The following SMIM7 variants were observed in gnomAD, a reference collection of about 807,000 sequenced individuals.
SMIM7 encodes the protein small integral membrane protein 7, also known as UPF0608 protein C19orf42.
Under a neutral mutation model 13.3 loss-of-function variants are expected in SMIM7, and 12 were observed. That is an observed-to-expected ratio of 0.90 (90% CI 0.58 to 1.46). The LOEUF (loss-of-function observed/expected upper bound fraction) is 1.46. Ranked by LOEUF, SMIM7 falls within the 40% of genes most tolerant of loss-of-function variation. SMIM7 has a pLI of 0.00. For synonymous variants in SMIM7, 36 were observed against 35.8 expected, an observed-to-expected ratio of 1.01 and a Z score of -0.02; for missense variants, 114 against 94.8, an observed-to-expected ratio of 1.20 and a Z score of -0.84.
At chr19:16,659,612 C>T (rs998127626) in intron 2 of SMIM7, 165 bp from the exon 3 acceptor site, 24 of 730,522 alleles carry the variant, frequency 3.3e-5, no homozygotes, top group Non-Finnish European at 6.9e-6. Flanking sequence ...CCCCCACTGC[C>T]CGGACAATCA....
rs1374708494 is a variant in SMIM7, at chr19:16,654,037, A to T, written c.210T>A (p.Ile70=). The part of the protein sequence containing the change: ...LWNIFMMFCM[I]VLFGS ...AGGAAAGGGCAGGCTGGACTCACAC[A>T]ATCATGCAGAACATCATGAAGATGT... The change falls in exon 4 of 5, where the codon ATT becomes ATA. Residue 70 remains isoleucine (I), a splice_region_variant and synonymous_variant. Coordinates refer to ENST00000487416, the MANE Select transcript of SMIM7 (RefSeq NM_024104.4). 1 of 1,613,698 alleles carries T rather than the reference A, an allele frequency of 6.2e-7. No homozygotes were observed. The highest frequency in any genetic ancestry group is 2.2e-5 in the East Asian group (1 of 44,862).
intron 2 of SMIM7, chr19:16,659,754 C>A (rs2086648202): frequency 2.9e-6 from 2 of 699,956 alleles, no homozygotes; most frequent in Non-Finnish European, 4.8e-6. Flanking sequence ...AGAGGGACAA[C>A]CAAGGAACGG....
intron 4 of SMIM7, among the ~76,000 whole-genome samples, chr19:16,650,950 G>A (rs1018867135): frequency 3.3e-5 from 5 of 152,128 alleles, no homozygotes; most frequent in African/African-American, 7.2e-5. Context: ...AGTACCCTCC[G>A]GCCTTCTTCA....
In SMIM7 at chr19:16,658,635, T is replaced by C. The variant is rs148860024; in HGVS notation, c.121+760A>G. Among the ~76,000 whole-genome samples, 482 of 152,268 alleles carry C rather than the reference T, an allele frequency of 3.2e-3. 6 individuals carry two copies. Among genetic ancestry groups the C allele is most frequent in the African/African-American group, 0.011 (460 of 41,552 alleles). ...AAAATCAGACATCTTAATTTTTATA[T>C]AAAATCTCCTGATTAAAAATCTAAT... On this transcript the variant is annotated intron_variant, in intron 3 of 4. Coordinates refer to ENST00000487416, the MANE Select transcript of SMIM7 (RefSeq NM_024104.4).
intron 3 of SMIM7, among the ~76,000 whole-genome samples, chr19:16,657,768 T>C (rs2086615029): frequency 6.6e-6 from 1 of 152,184 alleles, no homozygotes; most frequent in East Asian, 1.9e-4. Flanking sequence ...TGGTAGCTCA[T>C]GCCTGTGATC....
chr19:16,640,918 G>A (rs1408827497), downstream of SMIM7: 1 of 151,842 alleles, frequency 6.6e-6, no homozygotes, highest in East Asian at 1.9e-4. Context: ...GGGTGACAGA[G>A]TCTCAAAAAA....
chr19:16,649,498 G>A (rs774816832), intron 4 of SMIM7, among the ~76,000 whole-genome samples: 20 of 151,862 alleles, frequency 1.3e-4, no homozygotes, highest in African/African-American at 4.4e-4. Context: ...ACTTGAACCC[G>A]GGAGGTGGAG....
At chr19:16,644,118 G>GTTTTTT (rs557600997), downstream of SMIM7, among the ~76,000 whole-genome samples, 45 of 85,416 alleles carry the variant, frequency 5.3e-4, no homozygotes, top group Non-Finnish European at 6.6e-4. Flanking sequence ...AATTGTTTGC[G>GTTTTTT]TTTTTTTTTT....
intron 4 of SMIM7, among the ~76,000 whole-genome samples, chr19:16,632,720 T>C (rs1307445862): frequency 6.6e-6 from 1 of 151,824 alleles, no homozygotes; most frequent in Non-Finnish European, 1.5e-5. Flanking sequence ...TTAGTAGAGA[T>C]GCGGTTTCGT....
At chr19:16,656,613 T>C (rs965929957) in intron 3 of SMIM7, among the ~76,000 whole-genome samples, 1 of 151,776 alleles carries the variant, frequency 6.6e-6, no homozygotes, top group Non-Finnish European at 1.5e-5. Flanking sequence ...AAAAAAGCCT[T>C]TCCAGCCGGG....
chr19:16,638,199 G>A (rs1487471327), intron 4 of SMIM7, among the ~76,000 whole-genome samples: 4 of 152,062 alleles, frequency 2.6e-5, no homozygotes, highest in Non-Finnish European at 4.4e-5. Context: ...AGCCGGAGGC[G>A]GAGGTTGCAG....
downstream of SMIM7, among the ~76,000 whole-genome samples, chr19:16,642,874 A>G (rs2086413885): frequency 6.9e-6 from 1 of 145,568 alleles, no homozygotes; most frequent in Non-Finnish European, 1.5e-5. Flanking sequence ...CCCAGGCTGC[A>G]GTGCAGCGGC....
intron 4 of SMIM7, among the ~76,000 whole-genome samples, chr19:16,633,132 G>A (rs181041994): frequency 8.2e-4 from 125 of 152,194 alleles, no homozygotes; most frequent in East Asian, 7.2e-3. Context: ...CAATGTGAGC[G>A]GTGACCTCAC....
At chr19:16,635,897 A>ATATATATATAT (rs1219247102) in intron 4 of SMIM7, among the ~76,000 whole-genome samples, 4 of 123,820 alleles carry the variant, frequency 3.2e-5, no homozygotes, top group African/African-American at 1.4e-4. Context: ...AAAAAAAAAA[A>ATATATATATAT]AAATATATAT....
chr19:16,649,014 C>CT (rs1857381993), intron 4 of SMIM7, among the ~76,000 whole-genome samples: 1 of 152,120 alleles, frequency 6.6e-6, no homozygotes, highest in Non-Finnish European at 1.5e-5. Context: ...GAGTGAGACT[C>CT]TGTTTCAAAA....
At chr19:16,632,562 G>A (rs1327180115) in intron 4 of SMIM7, among the ~76,000 whole-genome samples, 1 of 137,090 alleles carries the variant, frequency 7.3e-6, no homozygotes, top group African/African-American at 2.8e-5. Context: ...TTTTGAGGCA[G>A]AGTCTCGCTT....
chr19:16,656,625 G>A (rs2122549605), intron 3 of SMIM7, among the ~76,000 whole-genome samples: 1 of 152,188 alleles, frequency 6.6e-6, no homozygotes, highest in East Asian at 1.9e-4. Flanking sequence ...CCAGCCGGGT[G>A]CCGTCGCTCA....
At chr19:16,648,942 G>C (rs566885559) in intron 4 of SMIM7, among the ~76,000 whole-genome samples, 15 of 152,270 alleles carry the variant, frequency 9.9e-5, no homozygotes, top group African/African-American at 3.4e-4. Context: ...TTGAGCCCAG[G>C]AGGCAAAAGT....
chr19:16,650,971 G>A (rs1019823707), intron 4 of SMIM7, among the ~76,000 whole-genome samples: 6 of 152,282 alleles, frequency 3.9e-5, no homozygotes, highest in Middle Eastern at 3.4e-3. Flanking sequence ...CTTTCAGAAC[G>A]TTTCATTTCC....
Sources: gnomAD v4.1 joint callset for allele counts (sites outside exome capture counted in the v4.1 genomes callset) on GRCh38, gnomAD v4.1.1 for gene constraint, MANE v1.5 for transcripts, NCBI Gene and HGNC (gene_info 2026-07-23, HGNC 2026-07-21) for gene names.